The following PCBP2 variants were observed in gnomAD, a reference collection of about 807,000 sequenced individuals.
The protein encoded by PCBP2 is poly(rC)-binding protein 2.
A neutral mutation model predicts 50.1 loss-of-function variants in PCBP2; 4 were observed. The observed-to-expected ratio is 0.08, with a 90% CI of 0.04 to 0.18. The LOEUF is 0.18. PCBP2 is among the 10% of genes least tolerant of loss of function. PCBP2 has a pLI of 1.00. For missense variants in PCBP2, 161 were observed against 474.3 expected, an observed-to-expected ratio of 0.34 and a Z score of 6.14; for synonymous variants, 179 against 168.0, an observed-to-expected ratio of 1.07 and a Z score of -0.51.
chr12:53,476,429 C>T (rs1036288226), intron 14 of PCBP2, among the ~76,000 whole-genome samples: 27 of 152,326 alleles, frequency 1.8e-4, no homozygotes, highest in African/African-American at 5.8e-4. Context: ...ACTAACCTCC[C>T]TGAAATCTTG....
At chr12:53,458,438 G>T (rs1241028849) in intron 5 of PCBP2, among the ~76,000 whole-genome samples, 6 of 151,510 alleles carry the variant, frequency 4.0e-5, no homozygotes, top group South Asian at 2.1e-4. Flanking sequence ...CCCGAGAGTA[G>T]CCTGGACTAC....
intron 5 of PCBP2, 84 bp from the exon 6 acceptor site, chr12:53,459,188 T>C: frequency 2.4e-6 from 3 of 1,242,788 alleles, no homozygotes; most frequent in Non-Finnish European, 3.3e-6. Flanking sequence ...TAAGATCACT[T>C]ACCCTAATAA....
At chr12:53,464,488 A>G (rs1205299545) in intron 8 of PCBP2, 2 of 393,002 alleles carry the variant, frequency 5.1e-6, no homozygotes, top group Non-Finnish European at 9.0e-6. Context: ...GTAGGGGTTC[A>G]ACTTAATCCC....
At chr12:53,467,120 G>A in intron 10 of PCBP2, 101 bp from the exon 11 acceptor site, 2 of 804,058 alleles carry the variant, frequency 2.5e-6, no homozygotes, top group South Asian at 3.1e-5. Flanking sequence ...GAGTAGTAGA[G>A]TCAATTTTGG....
intron 12 of PCBP2, chr12:53,468,156 C>G (rs1180807217): frequency 3.6e-6 from 1 of 274,672 alleles, no homozygotes; most frequent in Non-Finnish European, 6.8e-6. Flanking sequence ...TTTTTTCTTT[C>G]TTTTTCTTTG....
chr12:53,459,691 C>T (rs1941303044), intron 6 of PCBP2: 1 of 253,932 alleles, frequency 3.9e-6, no homozygotes, highest in African/African-American at 2.3e-5. Flanking sequence ...CTACATAGTT[C>T]TTTTTCATGT....
At chr12:53,469,216 C>T (rs1368793958) in intron 13 of PCBP2, among the ~76,000 whole-genome samples, 3 of 151,950 alleles carry the variant, frequency 2.0e-5, no homozygotes, top group Admixed American at 6.6e-5. Flanking sequence ...TGTCCTGCTA[C>T]TTTTAAGCCC....
chr12:53,474,910 C>T (rs1283391875), intron 14 of PCBP2: 2 of 442,928 alleles, frequency 4.5e-6, no homozygotes, highest in Non-Finnish European at 9.3e-6. Flanking sequence ...GCCTCCGTCA[C>T]GATCCCTGAT....
chr12:53,455,516 T>G, intron 4 of PCBP2, 23 bp downstream of exon 4: 4 of 1,612,064 alleles, frequency 2.5e-6, no homozygotes, highest in Non-Finnish European at 3.4e-6. Flanking sequence ...AGACTGAGAT[T>G]GTTAACTTTG....
At chr12:53,476,299 T>A (rs557767292) in intron 14 of PCBP2, among the ~76,000 whole-genome samples, 1 of 152,186 alleles carries the variant, frequency 6.6e-6, no homozygotes, top group African/African-American at 2.4e-5. Context: ...AACTAATCTG[T>A]AACACATTGA....
At chr12:53,459,439 C>T (rs1019113593) in intron 6 of PCBP2, 36 bp downstream of exon 6, 4 of 1,581,618 alleles carry the variant, frequency 2.5e-6, no homozygotes, top group East Asian at 4.6e-5. Context: ...GAAATGTTAA[C>T]TATTTGTTCC....
intron 14 of PCBP2, chr12:53,475,001 G>A (rs746317441): frequency 2.0e-5 from 9 of 456,208 alleles, no homozygotes; most frequent in Admixed American, 1.4e-4. Context: ...TCGCCACAGC[G>A]GGGACCTCCG....
At position 53,479,716 on chromosome 12, in the gene PCBP2, G is replaced by A. The variant is rs911483344; in HGVS notation, c.*274G>A. On this transcript the variant is annotated 3_prime_UTR_variant, in exon 15 of 15. Transcript: ENST00000546463. ...GAATTTTTCTGTTTGTCATGGAAAT[G>A]TAAGAGTGGAATATTAATACATTTC... The A allele has an allele frequency of 4.6e-5, 8 of 174,418 alleles. No homozygotes were observed. The highest frequency in any genetic ancestry group is 7.8e-5 in the Non-Finnish European group (8 of 103,080). 10.8% of individuals were successfully genotyped at this position (174,418 alleles called of 1,614,324 possible).
chr12:53,469,659 G>A (rs557769105), intron 13 of PCBP2, among the ~76,000 whole-genome samples: 11 of 152,196 alleles, frequency 7.2e-5, no homozygotes, highest in East Asian at 5.8e-4. Flanking sequence ...CCCGGGAGGC[G>A]GAGGTTGTGG....
At chr12:53,467,506 C>T (rs1941903971) in intron 11 of PCBP2, 2 of 629,996 alleles carry the variant, frequency 3.2e-6, no homozygotes, top group African/African-American at 3.7e-5. Flanking sequence ...AAAAAAAAAG[C>T]CCTGGAAGGT....
At chr12:53,464,960 A>G in intron 9 of PCBP2, 108 bp downstream of exon 9, 2 of 1,369,390 alleles carry the variant, frequency 1.5e-6, no homozygotes, top group South Asian at 1.7e-5. Flanking sequence ...TGCTGTGGAC[A>G]CCACCTGTCC....
At chr12:53,460,728 A>G (rs570669479) in intron 6 of PCBP2, 19 of 293,720 alleles carry the variant, frequency 6.5e-5, no homozygotes, top group South Asian at 6.4e-4. Context: ...CCAGAGAACT[A>G]TCATTAGTTG....
chr12:53,474,394 T>C (rs1211642186), intron 14 of PCBP2, among the ~76,000 whole-genome samples: 1 of 152,246 alleles, frequency 6.6e-6, no homozygotes, highest in African/African-American at 2.4e-5. Context: ...CTTTAATACA[T>C]AGCTGGAAGG....
At chr12:53,463,222 C>T (rs1295011872) in intron 8 of PCBP2, among the ~76,000 whole-genome samples, 1 of 152,222 alleles carries the variant, frequency 6.6e-6, no homozygotes, top group Non-Finnish European at 1.5e-5. Context: ...ACCGTGGCCT[C>T]TCTGCTCCTT....
Sources: allele counts gnomAD v4.1 joint callset (sites outside exome capture counted in the v4.1 genomes callset), GRCh38; gene constraint gnomAD v4.1.1; transcripts MANE v1.5; gene names NCBI Gene and HGNC (gene_info 2026-07-23, HGNC 2026-07-21).